The following UTP20 variants were observed in gnomAD, a reference collection of about 807,000 sequenced individuals.
The protein encoded by UTP20 is small subunit processome component 20 homolog.
In UTP20, 164 loss-of-function variants were observed where a neutral mutation model predicts 329.5. The observed-to-expected ratio is 0.50, with a 90% CI of 0.44 to 0.57. UTP20 has a LOEUF of 0.57. UTP20 is among the 20% of genes least tolerant of loss of function. The probability of loss-of-function intolerance (pLI) is 0.00; values close to 1 mark genes in which losing one functional copy is unlikely to be tolerated. For missense variants in UTP20, 3,055 were observed against 3,284.2 expected (o/e 0.93, Z 1.71); for synonymous variants, 1,151 against 1,159.3 (o/e 0.99, Z 0.14).
intron 17 of UTP20, 142 bp downstream of exon 17, chr12:101,306,903 G>T (rs1872654294): frequency 1.3e-6 from 1 of 773,646 alleles, no homozygotes; most frequent in African/African-American, 1.8e-5. Context: ...GCTGGGCGCG[G>T]TGGCTCACGC....
intron 2 of UTP20, among the ~76,000 whole-genome samples, chr12:101,282,355 G>A (rs1871828242): frequency 6.6e-6 from 1 of 152,200 alleles, no homozygotes; most frequent in African/African-American, 2.4e-5. Flanking sequence ...AGGAAAGCCT[G>A]TTCCAGGCTG....
chr12:101,296,988 A>G (rs567154664), intron 12 of UTP20, among the ~76,000 whole-genome samples: 2 of 152,194 alleles, frequency 1.3e-5, no homozygotes, highest in South Asian at 2.1e-4. Context: ...CTTTGTTTTT[A>G]TACTTAATCT....
chr12:101,385,792 T>C, intron 61 of UTP20, 64 bp downstream of exon 61: 2 of 1,557,974 alleles, frequency 1.3e-6, no homozygotes, highest in East Asian at 4.7e-5. Flanking sequence ...GTGTGCATGT[T>C]TGTGTCACAC....
rs1371439798 is a variant in UTP20, at chr12:101,286,412, C to T, written c.418C>T (p.Gln140Ter). Residue 140 changes from glutamine (Q) to a stop codon, truncating the protein, a stop_gained, in exon 5 of 62, where the codon CAG (glutamine) becomes TAG (stop). Transcript: ENST00000261637. LOFTEE classifies it high-confidence loss of function. Reference protein sequence around the residue: ...FLTITSILETQDTELLEWAFT... With the variant: ...FLTITSILET ...GACTATCACCTCGATCCTGGAGACT[C>T]AGGACACAGAGTTGTTAGAATGGGC... The T allele has an allele frequency of 6.2e-7, 1 of 1,613,768 alleles. No individual in the cohort carries two copies. The highest frequency in any genetic ancestry group is 1.3e-5 in the African/African-American group (1 of 74,864).
intron 51 of UTP20, among the ~76,000 whole-genome samples, chr12:101,371,858 G>A (rs1318695252): frequency 1.3e-5 from 2 of 152,164 alleles, no homozygotes; most frequent in Non-Finnish European, 2.9e-5. Context: ...ATAGCAAGGA[G>A]CTATTTAAAT....
chr12:101,360,802 C>T (rs1869887866), intron 43 of UTP20, among the ~76,000 whole-genome samples: 2 of 152,276 alleles, frequency 1.3e-5, no homozygotes, highest in South Asian at 4.2e-4. Context: ...GCACTCCAGC[C>T]TGGGTGACAG....
intron 27 of UTP20, among the ~76,000 whole-genome samples, chr12:101,330,601 A>G (rs1565795676): frequency 6.6e-6 from 1 of 152,222 alleles, no homozygotes; most frequent in Non-Finnish European, 1.5e-5. Flanking sequence ...TCTCTGTTAT[A>G]TGAGAGTGTA....
intron 38 of UTP20, among the ~76,000 whole-genome samples, chr12:101,350,407 T>C (rs186655706): frequency 7.9e-5 from 12 of 152,276 alleles, no homozygotes; most frequent in African/African-American, 2.2e-4. Context: ...TCCTCCCACA[T>C]TGGCCTCCCA....
At chr12:101,360,199 C>T (rs929695543) in intron 43 of UTP20, among the ~76,000 whole-genome samples, 6 of 152,108 alleles carry the variant, frequency 3.9e-5, no homozygotes, top group East Asian at 1.9e-4. Context: ...TTGTTCTCTT[C>T]GAGCATCACT....
At chr12:101,371,811 C>T (rs565009763) in intron 51 of UTP20, among the ~76,000 whole-genome samples, 6 of 152,024 alleles carry the variant, frequency 3.9e-5, no homozygotes, top group Admixed American at 6.5e-5. Context: ...GGATTACAGG[C>T]GTGAGCCATG....
chr12:101,282,266 G>T (rs1327639609), intron 2 of UTP20, among the ~76,000 whole-genome samples: 1 of 151,002 alleles, frequency 6.6e-6, no homozygotes, highest in Non-Finnish European at 1.5e-5. Context: ...ACATTCTTTA[G>T]GGGTGTCAAA....
At chr12:101,327,393 C>T (rs1227793542) in intron 26 of UTP20, 146 bp downstream of exon 26, 1 of 822,544 alleles carries the variant, frequency 1.2e-6, no homozygotes, top group Middle Eastern at 3.7e-4. Context: ...TGAAGTGCAA[C>T]TCATTTTAAA....
chr12:101,287,662 T>C (rs2137230830), intron 5 of UTP20, among the ~76,000 whole-genome samples: 1 of 152,336 alleles, frequency 6.6e-6, no homozygotes, highest in East Asian at 1.9e-4. Context: ...CTAACGTTCT[T>C]CCTGTCTCTG....
chr12:101,319,659 T>C, intron 23 of UTP20, 24 bp downstream of exon 23: 1 of 1,552,798 alleles, frequency 6.4e-7, no homozygotes, highest in South Asian at 1.2e-5. Flanking sequence ...ACTCTTGGCA[T>C]TATAATTCTT....
At chr12:101,307,772 T>G (rs1199589000) in intron 17 of UTP20, among the ~76,000 whole-genome samples, 2 of 152,224 alleles carry the variant, frequency 1.3e-5, no homozygotes, top group African/African-American at 4.8e-5. Context: ...TTAGGTAGGT[T>G]TTGCATTTTT....
At chr12:101,364,372 A>G (rs1515554) in intron 45 of UTP20, among the ~76,000 whole-genome samples, 19,778 of 152,142 alleles carry the variant, frequency 0.13, 1,469 homozygotes, top group Middle Eastern at 0.24. Flanking sequence ...TTATTGACAT[A>G]TTATATTCTA....
At chr12:101,317,935 T>A (rs961767589) in intron 22 of UTP20, among the ~76,000 whole-genome samples, 3 of 152,194 alleles carry the variant, frequency 2.0e-5, no homozygotes, top group Non-Finnish European at 1.5e-5. Context: ...GATGAGAACT[T>A]TGGGACCTGG....
At chr12:101,294,497 G>A (rs1872281263) in intron 11 of UTP20, among the ~76,000 whole-genome samples, 3 of 149,256 alleles carry the variant, frequency 2.0e-5, no homozygotes, top group Admixed American at 2.0e-4. Context: ...TAAACAAGGA[G>A]TATTTTATGA....
At chr12:101,366,857 A>G (rs559154626) in intron 47 of UTP20, among the ~76,000 whole-genome samples, 158 bp downstream of exon 47, 120 of 151,778 alleles carry the variant, frequency 7.9e-4, no homozygotes, top group Middle Eastern at 3.4e-3. Flanking sequence ...TCCATTTACT[A>G]TTTATCTCTT....
Sources: allele counts gnomAD v4.1 joint callset (sites outside exome capture counted in the v4.1 genomes callset), GRCh38; gene constraint gnomAD v4.1.1; transcripts MANE v1.5; gene names NCBI Gene and HGNC (gene_info 2026-07-23, HGNC 2026-07-21).